GRM7: variants seen among roughly 807,000 people sequenced by gnomAD.
GRM7 encodes the protein metabotropic glutamate receptor 7.
Under a neutral mutation model 84.5 loss-of-function variants are expected in GRM7, and 35 were observed. That is an observed-to-expected ratio of 0.41 (90% CI 0.32 to 0.55). The LOEUF (loss-of-function observed/expected upper bound fraction) is 0.55. GRM7 is among the 20% of genes least tolerant of loss of function. The pLI, the probability that GRM7 is intolerant of heterozygous loss-of-function variation, is 0.19. For synonymous variants in GRM7, 487 were observed against 455.1 expected, an observed-to-expected ratio of 1.07 and a Z score of -0.89; for missense variants, 1,003 against 1,194.6, an observed-to-expected ratio of 0.84 and a Z score of 2.36.
intron 7 of GRM7, among the ~76,000 whole-genome samples, chr3:7,547,283 T>C (rs1350531923): frequency 7.2e-6 from 1 of 139,172 alleles, no homozygotes; most frequent in Non-Finnish European, 1.5e-5. Context: ...CTCGCCTCAC[T>C]GCAAGCTCCA....
intron 1 of GRM7, among the ~76,000 whole-genome samples, chr3:7,016,659 T>C: frequency 6.6e-6 from 1 of 152,190 alleles, no homozygotes; most frequent in East Asian, 1.9e-4. Context: ...GTTTTAAAAG[T>C]AGAGGATTAA....
intron 1 of GRM7, among the ~76,000 whole-genome samples, chr3:7,122,325 G>C (rs150225133): frequency 1.3e-5 from 2 of 152,062 alleles, no homozygotes; most frequent in Non-Finnish European, 2.9e-5. Context: ...GAGGTAAAAA[G>C]CCCTAAGAAT....
chr3:7,222,090 C>T (rs983450810), intron 2 of GRM7, among the ~76,000 whole-genome samples: 7 of 151,790 alleles, frequency 4.6e-5, no homozygotes, highest in Non-Finnish European at 1.0e-4. Context: ...ATTACAGGCG[C>T]GAGCCCCCGC....
chr3:7,468,877 T>C (rs921577256), intron 7 of GRM7, among the ~76,000 whole-genome samples: 4 of 152,200 alleles, frequency 2.6e-5, no homozygotes, highest in African/African-American at 9.7e-5. Flanking sequence ...GAGGCCTCCC[T>C]AGCCATGTGG....
chr3:7,378,062 T>C (rs1337505005), intron 4 of GRM7, among the ~76,000 whole-genome samples: 3 of 152,216 alleles, frequency 2.0e-5, no homozygotes, highest in African/African-American at 7.2e-5. Context: ...TTATTGGAGC[T>C]GACTCTAATC....
chr3:6,957,558 T>C (rs1254763507), intron 1 of GRM7, among the ~76,000 whole-genome samples: 1 of 152,184 alleles, frequency 6.6e-6, no homozygotes, highest in African/African-American at 2.4e-5. Flanking sequence ...GTAGGTTTGT[T>C]TTACTGGTTT....
At chr3:7,123,865 G>C (rs959736455) in intron 1 of GRM7, among the ~76,000 whole-genome samples, 5 of 152,292 alleles carry the variant, frequency 3.3e-5, no homozygotes, top group African/African-American at 1.2e-4. Context: ...TTGGTCTGCT[G>C]CTTCTCCGCT....
At chr3:7,245,980 A>G (rs1313941851) in intron 2 of GRM7, among the ~76,000 whole-genome samples, 2 of 152,126 alleles carry the variant, frequency 1.3e-5, no homozygotes, top group Non-Finnish European at 2.9e-5. Flanking sequence ...AAATTTCAGA[A>G]CATTAATTAG....
chr3:6,951,335 T>C (rs1008820031), intron 1 of GRM7, among the ~76,000 whole-genome samples: 2 of 152,146 alleles, frequency 1.3e-5, no homozygotes, highest in Non-Finnish European at 2.9e-5. Context: ...TTGGGTATAG[T>C]TTTCTCTTTT....
rs539753163 is a variant in GRM7 at position 7,635,948 on chromosome 3, T to A, written c.2452-44101T>A. On this transcript the variant is annotated intron_variant, in intron 8 of 9. Coordinates refer to ENST00000357716, the MANE Select transcript of GRM7 (RefSeq NM_000844.4). ...GCCTCAGCCTCCAAAAGAACTGAGA[T>A]TACAGGTGTGCGCCATTGCAGCTGG... Among the ~76,000 whole-genome samples, 18 of 152,282 alleles carry A rather than the reference T, an allele frequency of 1.2e-4. 2 individuals carry two copies. The South Asian group carries it at 3.3e-3, about 28-fold the overall frequency.
intron 1 of GRM7, among the ~76,000 whole-genome samples, chr3:6,974,976 G>C (rs1693933434): frequency 6.6e-6 from 1 of 152,156 alleles, no homozygotes; most frequent in Non-Finnish European, 1.5e-5. Flanking sequence ...TGATCCAGTA[G>C]AGGCAGATAT....
At chr3:7,709,371 C>G (rs1701502716) in intron 9 of GRM7, among the ~76,000 whole-genome samples, 1 of 152,120 alleles carries the variant, frequency 6.6e-6, no homozygotes, top group Admixed American at 6.6e-5. Flanking sequence ...ATATTCTACA[C>G]AGTGAAGGAA....
intron 1 of GRM7, among the ~76,000 whole-genome samples, chr3:6,977,463 C>T (rs571131288): frequency 1.3e-5 from 2 of 152,078 alleles, no homozygotes; most frequent in South Asian, 4.1e-4. Flanking sequence ...ATTAGTATAA[C>T]TGCCTAAACT....
At position 7,221,941 on chromosome 3, in the gene GRM7, G is replaced by T. The variant is rs188073377; in HGVS notation, c.736+75273G>T. Among the ~76,000 whole-genome samples the T allele has an allele frequency of 4.7e-4, 71 of 151,466 alleles. 1 individual carries two copies. In the East Asian group the frequency reaches 0.013, roughly 29 times the overall value. ...CCTGGCTCAGCCTCCCAAGTAGCTG[G>T]GATTATAGGCACCCGCTACCACACC... is the stretch of plus-strand genomic sequence containing the variant. On this transcript the variant is annotated intron_variant, in intron 2 of 9. Transcript: ENST00000357716.
chr3:7,704,399 A>G (rs1282697194), intron 9 of GRM7, among the ~76,000 whole-genome samples: 1 of 152,204 alleles, frequency 6.6e-6, no homozygotes, highest in African/African-American at 2.4e-5. Context: ...GAGAACATAA[A>G]TGAAAAACAC....
At position 6,863,991 on chromosome 3, in the gene GRM7, C is replaced by T. The variant is rs1255390474; in HGVS notation, c.519+2084C>T. ...CCTTCTCTGGTGTGTGAACCTGAGG[C>T]AACTTGCTAGTGGTGAAAAAAGGGG... On this transcript the variant is annotated intron_variant, in intron 1 of 9. Coordinates refer to ENST00000357716, the MANE Select transcript of GRM7 (RefSeq NM_000844.4). This position sits in a 1 kb window ranked among gnomAD's most constrained non-coding sequence, Gnocchi z 4.8. Among the ~76,000 whole-genome samples the T allele has an allele frequency of 6.6e-6, 1 of 151,962 alleles. No individual in the cohort carries two copies. The highest frequency in any genetic ancestry group is 1.5e-5 in the Non-Finnish European group (1 of 67,996).
chr3:7,536,368 A>C (rs1011582467), intron 7 of GRM7, among the ~76,000 whole-genome samples: 1 of 152,202 alleles, frequency 6.6e-6, no homozygotes, highest in Non-Finnish European at 1.5e-5. Context: ...GAATTGTCTC[A>C]GCAACGAACA....
At chr3:7,370,350 A>C (rs959235858) in intron 4 of GRM7, among the ~76,000 whole-genome samples, 1 of 152,086 alleles carries the variant, frequency 6.6e-6, no homozygotes, top group African/African-American at 2.4e-5. Flanking sequence ...TCCAGATTGG[A>C]GAAAAGTCGA....
At chr3:7,401,251 C>G (rs998809491) in intron 4 of GRM7, among the ~76,000 whole-genome samples, 4 of 152,140 alleles carry the variant, frequency 2.6e-5, no homozygotes, top group Non-Finnish European at 5.9e-5. Flanking sequence ...ACCCAGGTAG[C>G]AAGCACAGGC....
Sources: allele counts gnomAD v4.1 joint callset (sites outside exome capture counted in the v4.1 genomes callset), GRCh38; gene constraint gnomAD v4.1.1; non-coding constraint Gnocchi (gnomAD v3.1); transcripts MANE v1.5; gene names NCBI Gene and HGNC (gene_info 2026-07-23, HGNC 2026-07-21).